Variants in TTLL11 observed in about 807,000 individuals in gnomAD.
The protein encoded by TTLL11 is tubulin polyglutamylase TTLL11.
Under a neutral mutation model 51.7 loss-of-function variants are expected in TTLL11, and 42 were observed. The observed-to-expected ratio is 0.81, with a 90% confidence interval of 0.64 to 1.05. The LOEUF is 1.05. TTLL11 is among the 50% of genes least tolerant of loss of function. The pLI, the probability that TTLL11 is intolerant of heterozygous loss-of-function variation, is 0.00. For synonymous variants in TTLL11, 381 were observed against 383.5 expected, an observed-to-expected ratio of 0.99 and a Z score of 0.08; for missense variants, 799 against 940.4, an observed-to-expected ratio of 0.85 and a Z score of 1.97.
chr9:122,033,933 T>G (rs1194773744), intron 2 of TTLL11, among the ~76,000 whole-genome samples: 1 of 152,224 alleles, frequency 6.6e-6, no homozygotes, highest in African/African-American at 2.4e-5. Flanking sequence ...TTTCCTTTTA[T>G]TCTCCCTCGA....
intron 6 of TTLL11, among the ~76,000 whole-genome samples, chr9:121,909,459 T>C (rs1274728348): frequency 2.0e-5 from 3 of 152,114 alleles, no homozygotes; most frequent in African/African-American, 7.2e-5. Context: ...CCCTATCTCC[T>C]TTACTCAATA....
intron 8 of TTLL11, among the ~76,000 whole-genome samples, chr9:121,842,707 CAAAT>C (rs1384425317): frequency 6.6e-6 from 1 of 152,148 alleles, no homozygotes; most frequent in African/African-American, 2.4e-5. Context: ...TTTTTGATGA[CAAAT>C]AACTGATCAG....
intron 6 of TTLL11, among the ~76,000 whole-genome samples, chr9:121,878,924 G>A (rs1472478231): frequency 6.6e-6 from 1 of 152,182 alleles, no homozygotes; most frequent in Non-Finnish European, 1.5e-5. Context: ...GGTGCAGGGG[G>A]TCTGGAGTTT....
At chr9:122,055,242 TA>T (rs1333564577) in intron 1 of TTLL11, among the ~76,000 whole-genome samples, 7 of 144,788 alleles carry the variant, frequency 4.8e-5, no homozygotes, top group Admixed American at 2.0e-4. Context: ...GATAGATAGA[TA>T]AAGGGGAGTT....
chr9:122,066,222 TG>T (rs199772169), intron 1 of TTLL11, among the ~76,000 whole-genome samples: 2,334 of 150,286 alleles, frequency 0.016, 54 homozygotes, highest in African/African-American at 0.053. Context: ...TTAGTGGTGG[TG>T]GTGGTGGTGG....
intron 8 of TTLL11, among the ~76,000 whole-genome samples, chr9:121,855,911 C>A (rs1328949004): frequency 6.6e-6 from 1 of 152,186 alleles, no homozygotes; most frequent in African/African-American, 2.4e-5. Flanking sequence ...ACCCTCACAG[C>A]AACCTTCCTC....
chr9:121,925,767 G>A (rs1377661612), intron 6 of TTLL11, among the ~76,000 whole-genome samples: 1 of 152,118 alleles, frequency 6.6e-6, no homozygotes, highest in African/African-American at 2.4e-5. Context: ...AGCCTGGAAC[G>A]GCACTTAGGA....
At chr9:121,925,290 T>C (rs1250094272) in intron 6 of TTLL11, among the ~76,000 whole-genome samples, 1 of 152,242 alleles carries the variant, frequency 6.6e-6, no homozygotes, top group South Asian at 2.1e-4. Flanking sequence ...ACTCAGATGC[T>C]ACTAACACCT....
chr9:122,009,306 A>G (rs192065016), intron 3 of TTLL11, among the ~76,000 whole-genome samples: 1 of 152,280 alleles, frequency 6.6e-6, no homozygotes, highest in East Asian at 1.9e-4. Context: ...AAATACATAC[A>G]TTTTTTATTT....
rs1202127654 is a variant in TTLL11 at position 121,853,473 on chromosome 9, G to A, written c.1840+6864C>T. 1.3e-5 allele frequency among the ~76,000 whole-genome samples: 2 copies of A among 150,852 alleles called. No homozygotes were observed. The highest frequency in any genetic ancestry group is 3.0e-5 in the Non-Finnish European group (2 of 67,672). ...GAGAGGGGGTTCCTGCAGAGGTGGG[G>A]GCCTGAGGGGGCCGGCCATTCTGGC... On this transcript the variant is annotated intron_variant, in intron 8 of 8. Coordinates refer to ENST00000321582, the MANE Select transcript of TTLL11 (RefSeq NM_001139442.2). This position sits in a 1 kb window ranked among gnomAD's most constrained non-coding sequence, Gnocchi z 5.6.
intron 6 of TTLL11, among the ~76,000 whole-genome samples, chr9:121,908,995 A>G (rs1840027432): frequency 6.6e-6 from 1 of 152,232 alleles, no homozygotes; most frequent in Admixed American, 6.5e-5. Context: ...TAGTAAACTT[A>G]GTCAACCATT....
intron 6 of TTLL11, among the ~76,000 whole-genome samples, chr9:121,918,662 C>T (rs998298934): frequency 3.3e-5 from 5 of 152,146 alleles, no homozygotes; most frequent in Non-Finnish European, 7.3e-5. Flanking sequence ...TCTTCTCTGA[C>T]CCATCTTGCT....
At chr9:122,044,371 C>A (rs1844942292) in intron 1 of TTLL11, among the ~76,000 whole-genome samples, 1 of 151,664 alleles carries the variant, frequency 6.6e-6, no homozygotes, top group Admixed American at 6.6e-5. Context: ...TGGGTATATA[C>A]CCAGTAATGG....
chr9:122,061,778 T>C (rs780264911), intron 1 of TTLL11, among the ~76,000 whole-genome samples: 14 of 152,180 alleles, frequency 9.2e-5, no homozygotes, highest in African/African-American at 3.1e-4. Flanking sequence ...GCTGGGACTA[T>C]AGACACCCAC....
At chr9:121,944,234 G>T (rs1841587628) in intron 6 of TTLL11, among the ~76,000 whole-genome samples, 1 of 152,182 alleles carries the variant, frequency 6.6e-6, no homozygotes, top group South Asian at 2.1e-4. Context: ...CGGGCCTGGT[G>T]CGGTGGCTCA....
chr9:122,000,646 GTTACA>G (rs1327628399), intron 3 of TTLL11, among the ~76,000 whole-genome samples: 9 of 152,272 alleles, frequency 5.9e-5, no homozygotes, highest in Non-Finnish European at 1.3e-4. Flanking sequence ...ACGTCAGGAA[GTTACA>G]CTATATGGTC....
rs369000655 is a variant in TTLL11, at chr9:121,816,585, T to A, written c.*6002A>T. 4.0e-5 allele frequency: 6 copies of A among 151,022 alleles called. No individual in the cohort carries two copies. The highest frequency in any genetic ancestry group is 1.5e-4 in the African/African-American group (6 of 40,956). 9.4% of individuals were successfully genotyped at this position (151,022 alleles called of 1,614,324 possible). ...GTGCATGCGTGTGCGTGTGTGCATG[T>A]GTGTGCGTGTGTGCATGTGTGCATT... On this transcript the variant is annotated 3_prime_UTR_variant, in exon 9 of 9. Transcript: ENST00000321582.
chr9:121,996,270 C>G (rs73562061), intron 3 of TTLL11, among the ~76,000 whole-genome samples: 5 of 152,322 alleles, frequency 3.3e-5, no homozygotes, highest in African/African-American at 1.2e-4. Flanking sequence ...CACCGACCTC[C>G]TGCCCTTTCT....
intron 7 of TTLL11, among the ~76,000 whole-genome samples, chr9:121,868,714 C>T (rs1307507770): frequency 1.3e-5 from 2 of 152,226 alleles, no homozygotes; most frequent in Non-Finnish European, 2.9e-5. Context: ...AAGAAAGTTC[C>T]TATTTAAGCC....
Sources: allele counts gnomAD v4.1 joint callset (sites outside exome capture counted in the v4.1 genomes callset), GRCh38; gene constraint gnomAD v4.1.1; non-coding constraint Gnocchi (gnomAD v3.1); transcripts MANE v1.5; gene names NCBI Gene and HGNC (gene_info 2026-07-23, HGNC 2026-07-21).